Variants in NALCN observed in about 807,000 individuals in gnomAD.
The protein encoded by NALCN is sodium leak channel, non-selective, also known as sodium leak channel NALCN.
A neutral mutation model predicts 225.3 loss-of-function variants in NALCN; 111 were observed. The observed-to-expected ratio is 0.49, with a 90% CI of 0.42 to 0.58. The LOEUF is 0.58. NALCN is among the 20% of genes least tolerant of loss of function. NALCN has a pLI of 0.00. For missense variants in NALCN, 1,378 were observed against 2,202.4 expected (o/e 0.63, Z 7.49); for synonymous variants, 764 against 769.0 (o/e 0.99, Z 0.11).
intron 14 of NALCN, among the ~76,000 whole-genome samples, chr13:101,188,945 C>G (rs2039566895): frequency 6.6e-6 from 1 of 152,124 alleles, no homozygotes; most frequent in African/African-American, 2.4e-5. Flanking sequence ...GCCTCAGCCT[C>G]CCAAAGTGCT....
chr13:101,231,017 C>T (rs1042459774), intron 12 of NALCN, among the ~76,000 whole-genome samples: 5 of 152,240 alleles, frequency 3.3e-5, no homozygotes, highest in South Asian at 4.1e-4. Context: ...TCAATGTAGT[C>T]ATACACTGTA....
At chr13:101,172,590 C>T (rs1403480931) in intron 15 of NALCN, among the ~76,000 whole-genome samples, 3 of 152,116 alleles carry the variant, frequency 2.0e-5, no homozygotes, top group East Asian at 1.9e-4. Context: ...GACGGAGTCT[C>T]GCTCTGTCAC....
chr13:101,184,527 A>AT (rs977886891), intron 14 of NALCN, among the ~76,000 whole-genome samples: 3 of 151,908 alleles, frequency 2.0e-5, no homozygotes, highest in African/African-American at 4.8e-5. Context: ...AGATATATTT[A>AT]TTTTTTTTCT....
At chr13:101,412,744 C>G (rs1033416831) in intron 1 of NALCN, among the ~76,000 whole-genome samples, 1 of 152,156 alleles carries the variant, frequency 6.6e-6, no homozygotes, top group Non-Finnish European at 1.5e-5. Flanking sequence ...GATTCTGCAG[C>G]CTAGGAAAGA....
chr13:101,059,453 G>C (rs752045780), intron 42 of NALCN, among the ~76,000 whole-genome samples: 4 of 152,122 alleles, frequency 2.6e-5, no homozygotes, highest in Non-Finnish European at 4.4e-5. Flanking sequence ...ATTTAGGGCA[G>C]AGCTTCCTGT....
Position 101,268,448 on chromosome 13 carries a change from T to C in NALCN, c.1135-9874A>G, listed in dbSNP as rs559790706. On this transcript the variant is annotated intron_variant, in intron 10 of 43. Transcript: ENST00000251127. Reference sequence around the variant, plus strand: ...TGTAGGGTATTTGAAAACTCATACATTGATCATAAATAATAACCCTTGTGG... The same window carrying C: ...TGTAGGGTATTTGAAAACTCATACACTGATCATAAATAATAACCCTTGTGG... 1.8e-4 allele frequency among the ~76,000 whole-genome samples: 28 copies of C among 152,318 alleles called. No individual in the cohort carries two copies. The South Asian group carries it at 5.0e-3, about 27-fold the overall frequency.
At chr13:101,126,312 C>T (rs141862649) in intron 17 of NALCN, among the ~76,000 whole-genome samples, 29 of 152,114 alleles carry the variant, frequency 1.9e-4, no homozygotes, top group African/African-American at 6.8e-4. Context: ...AATGAAAAAC[C>T]GGAATTGGTT....
intron 7 of NALCN, among the ~76,000 whole-genome samples, chr13:101,309,325 C>T (rs2044259192): frequency 6.6e-6 from 1 of 152,104 alleles, no homozygotes; most frequent in African/African-American, 2.4e-5. Flanking sequence ...TTATTCTAGG[C>T]AAACAAATAT....
At chr13:101,177,848 T>G (rs1331917872) in intron 14 of NALCN, among the ~76,000 whole-genome samples, 1 of 152,208 alleles carries the variant, frequency 6.6e-6, no homozygotes, top group African/African-American at 2.4e-5. Context: ...TATGCAGAAG[T>G]TAATGGCTAG....
chr13:101,337,323 T>TA lies in NALCN; in HGVS notation c.799+7942_799+7943insT, dbSNP rs200565320. Among the ~76,000 whole-genome samples the TA allele has an allele frequency of 1.8e-3, 248 of 141,162 alleles. 2 individuals carry two copies. The highest frequency in any genetic ancestry group is 6.3e-3 in the African/African-American group (216 of 34,380). The allele number at this position is 141,162 out of a possible 152,430, so 92.6% of individuals were successfully genotyped here. A position where few individuals can be genotyped will look rare whatever the true frequency, so the allele number is the denominator to read the frequency against. On this transcript the variant is annotated intron_variant, in intron 7 of 43. Coordinates refer to ENST00000251127, the MANE Select transcript of NALCN (RefSeq NM_052867.4). ...TTATTTATTTATTTATTTATTTATT[T>TA]TTTGAGACAGAGTCTTGCTCTGTTG...
intron 11 of NALCN, 29 bp downstream of exon 11, chr13:101,258,414 A>G: frequency 6.2e-7 from 1 of 1,613,316 alleles, no homozygotes; most frequent in South Asian, 1.1e-5. Context: ...CTCCTTGCCC[A>G]GCGATCTGCA....
intron 6 of NALCN, among the ~76,000 whole-genome samples, chr13:101,364,138 C>T (rs767430714): frequency 6.6e-6 from 1 of 151,998 alleles, no homozygotes; most frequent in African/African-American, 2.4e-5. Flanking sequence ...AATGCAAATT[C>T]TGACAGCCAC....
At chr13:101,150,164 CTCCA>C (rs2037572939) in intron 15 of NALCN, among the ~76,000 whole-genome samples, 1 of 9,586 alleles carries the variant, frequency 1.0e-4, no homozygotes, top group Non-Finnish European at 2.0e-4. Flanking sequence ...GTTGTATGTA[CTCCA>C]TTCCACGTGG....
intron 6 of NALCN, among the ~76,000 whole-genome samples, chr13:101,355,143 C>T (rs2046016011): frequency 6.6e-6 from 1 of 152,168 alleles, no homozygotes; most frequent in Non-Finnish European, 1.5e-5. Flanking sequence ...TTGTAAGCTT[C>T]CTGAGGCCTC....
intron 35 of NALCN, 21 bp downstream of exon 35, chr13:101,075,852 G>T: frequency 6.3e-7 from 1 of 1,586,118 alleles, no homozygotes; most frequent in African/African-American, 1.4e-5. Flanking sequence ...TTTAAGATAA[G>T]ATTCTTAACA....
At chr13:101,210,813 C>G (rs1398249709) in intron 13 of NALCN, among the ~76,000 whole-genome samples, 1 of 152,198 alleles carries the variant, frequency 6.6e-6, no homozygotes, top group East Asian at 1.9e-4. Context: ...GCAGTGCTAA[C>G]TACTTTGCAC....
At chr13:101,316,046 A>G (rs528819) in intron 7 of NALCN, among the ~76,000 whole-genome samples, 2 of 151,890 alleles carry the variant, frequency 1.3e-5, no homozygotes, top group African/African-American at 4.8e-5. Flanking sequence ...AAGTCACCCA[A>G]TACTCAAGTG....
rs200822863 is a variant in NALCN at position 101,074,601 on chromosome 13, A to G, written c.4016T>C (p.Ile1339Thr). 1.9e-6 allele frequency: 3 copies of G among 1,613,904 alleles called. No individual in the cohort carries two copies. Among genetic ancestry groups the G allele is most frequent in the Non-Finnish European group, 1.7e-6 (2 of 1,179,980 alleles). Reference protein sequence around the residue: ...VVSMYKSFFIIVGMFLLLLCY... With the variant: ...VVSMYKSFFITVGMFLLLLCY... ...CAGCAGCAAGAGAAACATGCCTACT[A>G]TGATAAAGAAGCTCTTGTACATGCT... The change falls in exon 36 of 44, where the codon ATA becomes ACA. Residue 1339 changes from isoleucine to threonine, a missense_variant. Transcript: ENST00000251127.
intron 1 of NALCN, among the ~76,000 whole-genome samples, chr13:101,402,996 C>A (rs1185087567): frequency 6.6e-6 from 1 of 152,138 alleles, no homozygotes; most frequent in African/African-American, 2.4e-5. Flanking sequence ...TTCTAGACTC[C>A]TTTCTAGGTA....
Sources: gnomAD v4.1 joint callset for allele counts (sites outside exome capture counted in the v4.1 genomes callset) on GRCh38, gnomAD v4.1.1 for gene constraint, MANE v1.5 for transcripts, NCBI Gene and HGNC (gene_info 2026-07-23, HGNC 2026-07-21) for gene names.